Variants in PTPRN2 observed in about 807,000 individuals in gnomAD.
The protein encoded by PTPRN2 is receptor-type tyrosine-protein phosphatase N2.
In PTPRN2, 74 loss-of-function variants were observed where a neutral mutation model predicts 118.8. That is an observed-to-expected ratio of 0.62 (90% CI 0.52 to 0.76). The LOEUF (loss-of-function observed/expected upper bound fraction) is 0.76, where lower values mean the gene tolerates loss of function less well. PTPRN2 is among the 30% of genes least tolerant of loss of function. The pLI is 0.00. For missense variants in PTPRN2, 1,481 were observed against 1,394.4 expected (o/e 1.06, Z -0.99); for synonymous variants, 641 against 608.0 (o/e 1.05, Z -0.80).
intron 12 of PTPRN2, among the ~76,000 whole-genome samples, chr7:157,810,998 G>A (rs372971990): frequency 2.6e-5 from 4 of 152,038 alleles, no homozygotes; most frequent in African/African-American, 4.8e-5. Flanking sequence ...GGGGCGGGGC[G>A]CTGTGGCTCA....
At chr7:158,350,900 T>C (rs756780479) in intron 2 of PTPRN2, among the ~76,000 whole-genome samples, 1 of 152,192 alleles carries the variant, frequency 6.6e-6, no homozygotes, top group Non-Finnish European at 1.5e-5. Context: ...TACAAATCAA[T>C]TTGTCTGCTG....
At chr7:158,345,612 C>T (rs985319548) in intron 2 of PTPRN2, among the ~76,000 whole-genome samples, 1 of 152,192 alleles carries the variant, frequency 6.6e-6, no homozygotes, top group Non-Finnish European at 1.5e-5. Context: ...TTTCCAATGC[C>T]GTCCACTCAT....
rs182909024 is a variant in PTPRN2, at chr7:157,829,298, G to A, written c.1788+69375C>T. On this transcript the variant is annotated intron_variant, in intron 12 of 22. Transcript: ENST00000389418. Reference sequence around the variant, plus strand: ...GTTGGGGCAGGTGCTATCTGAACACGGTGGCGCAAAAGAGATGAGGCCTCG... The same window carrying A: ...GTTGGGGCAGGTGCTATCTGAACACAGTGGCGCAAAAGAGATGAGGCCTCG... Among the ~76,000 whole-genome samples, 473 of 152,284 alleles carry A rather than the reference G, an allele frequency of 3.1e-3. 10 individuals are homozygous for A. In the South Asian group the frequency reaches 0.066, roughly 21 times the overall value.
intron 3 of PTPRN2, among the ~76,000 whole-genome samples, chr7:158,216,837 T>C (rs1470938500): frequency 6.6e-6 from 1 of 152,176 alleles, no homozygotes; most frequent in African/African-American, 2.4e-5. Context: ...CAAACCATGA[T>C]AGACTTAATG....
chr7:158,210,699 G>A (rs549252791), intron 3 of PTPRN2, among the ~76,000 whole-genome samples: 1 of 152,228 alleles, frequency 6.6e-6, no homozygotes, highest in Admixed American at 6.5e-5. Flanking sequence ...CTACATGCCA[G>A]TAAATTAGAA....
At chr7:157,642,939 C>T (rs1029942222) in intron 14 of PTPRN2, among the ~76,000 whole-genome samples, 1 of 151,810 alleles carries the variant, frequency 6.6e-6, no homozygotes, top group Non-Finnish European at 1.5e-5. Context: ...AGCAGCTTAC[C>T]TCTTTCTCCC....
chr7:158,142,491 C>G (rs982227345), intron 6 of PTPRN2, among the ~76,000 whole-genome samples: 5 of 152,214 alleles, frequency 3.3e-5, no homozygotes, highest in Admixed American at 2.6e-4. Context: ...GGCTTGCCGT[C>G]CTAAATCATA....
Position 157,787,197 on chromosome 7 carries a change from C to T in PTPRN2, c.1789-104260G>A, listed in dbSNP as rs1804116109. 6.6e-6 allele frequency among the ~76,000 whole-genome samples: 1 copy of T among 150,892 alleles called. No homozygotes were observed. The highest frequency in any genetic ancestry group is 1.5e-5 in the Non-Finnish European group (1 of 67,440). On this transcript the variant is annotated intron_variant, in intron 12 of 22. Coordinates refer to ENST00000389418, the MANE Select transcript of PTPRN2 (RefSeq NM_002847.5). The surrounding 1 kb of genome is among the most constrained non-coding windows in gnomAD (Gnocchi z 5.3). ...CGCGGGGGTGGCTGCCCGGGACTGG[C>T]TCTTCTGGAAGCAATTCGTGGGAAA...
chr7:157,853,284 A>C (rs1809429532), intron 12 of PTPRN2, among the ~76,000 whole-genome samples: 1 of 152,124 alleles, frequency 6.6e-6, no homozygotes, highest in Admixed American at 6.5e-5. Flanking sequence ...CCGGGCCTGC[A>C]ACGGAAAGGC....
At chr7:158,341,948 G>T (rs1806921651) in intron 2 of PTPRN2, among the ~76,000 whole-genome samples, 1 of 144,416 alleles carries the variant, frequency 6.9e-6, no homozygotes, top group African/African-American at 2.6e-5. Flanking sequence ...CACCATAAGA[G>T]CTGTCGCCCG....
chr7:157,786,071 C>T (rs1804018807), intron 12 of PTPRN2, among the ~76,000 whole-genome samples: 2 of 152,144 alleles, frequency 1.3e-5, no homozygotes. Flanking sequence ...GAGCGTTAGC[C>T]GCACTCCGAG....
At chr7:158,168,578 A>G (rs1823244042) in intron 5 of PTPRN2, among the ~76,000 whole-genome samples, 1 of 152,184 alleles carries the variant, frequency 6.6e-6, no homozygotes, top group Admixed American at 6.5e-5. Flanking sequence ...CAACTTCTTT[A>G]CTGAAGACCT....
In PTPRN2 at chr7:158,316,833, T is replaced by C; in HGVS notation, c.263A>G (p.Lys88Arg). ...GCCCGCCCTACCTGTGCCGGAAAGC[T>C]TCTGCAACGCCACGCGCAGGCGCTG... ...ALQRLRVALQ[K>R]LSGTGFTWQD... The change falls in exon 3 of 23, where the codon AAG (lysine) becomes AGG (arginine). Residue 88 changes from lysine (K) to arginine (R), a missense_variant. Physicochemically the swap from Lys to Arg is conservative, Grantham distance 26 (BLOSUM62 2). This residue lies in a region of PTPRN2 where 1,115 missense variants were observed against 994.2 expected (regional missense o/e 1.12). Transcript: ENST00000389418. The C allele has an allele frequency of 6.2e-7, 1 of 1,604,710 alleles. No individual in the cohort carries two copies. Among genetic ancestry groups the C allele is most frequent in the Non-Finnish European group, 8.5e-7 (1 of 1,178,598 alleles).
intron 1 of PTPRN2, among the ~76,000 whole-genome samples, chr7:158,505,956 G>A (rs1040221205): frequency 3.3e-5 from 5 of 152,210 alleles, no homozygotes; most frequent in Admixed American, 6.5e-5. Flanking sequence ...ACGCTGCACC[G>A]GGTACAGCAG....
chr7:158,195,961 G>A lies in PTPRN2; in HGVS notation c.381-3466C>T, dbSNP rs79575378. ...TCCTTGGGACCAGTTCAACCCTCTCGGTTCTTACTTTTAAGTCTTGTTTGG... is the reference window on the plus strand; with the variant it reads ...TCCTTGGGACCAGTTCAACCCTCTCAGTTCTTACTTTTAAGTCTTGTTTGG... On this transcript the variant is annotated intron_variant, in intron 4 of 22. Coordinates refer to ENST00000389418, the MANE Select transcript of PTPRN2 (RefSeq NM_002847.5). Among the ~76,000 whole-genome samples, 1,370 of 152,128 alleles carry A rather than the reference G, an allele frequency of 9.0e-3. 24 individuals are homozygous for A. The highest frequency in any genetic ancestry group is 0.031 in the African/African-American group (1,279 of 41,486).
chr7:157,848,465 A>G (rs1040790970), intron 12 of PTPRN2, among the ~76,000 whole-genome samples: 2 of 152,052 alleles, frequency 1.3e-5, no homozygotes, highest in Non-Finnish European at 2.9e-5. Context: ...CTCTCACTGC[A>G]TCATGCGTGC....
At chr7:157,637,378 C>A (rs182472634) in intron 14 of PTPRN2, among the ~76,000 whole-genome samples, 4 of 152,278 alleles carry the variant, frequency 2.6e-5, no homozygotes, top group Admixed American at 6.5e-5. Flanking sequence ...GAACAGCAGC[C>A]CCTGTCATCC....
At chr7:158,583,014 G>A (rs2129452625) in intron 1 of PTPRN2, among the ~76,000 whole-genome samples, 1 of 152,042 alleles carries the variant, frequency 6.6e-6, no homozygotes, top group East Asian at 1.9e-4. Context: ...GCATTGAGTG[G>A]AACTTTCTTA....
intron 1 of PTPRN2, among the ~76,000 whole-genome samples, chr7:158,527,944 G>C (rs1824916036): frequency 6.6e-6 from 1 of 152,086 alleles, no homozygotes; most frequent in African/African-American, 2.4e-5. Flanking sequence ...TGTGTTGCTT[G>C]TGCTATGTCT....
Sources: gnomAD v4.1 joint callset for allele counts (sites outside exome capture counted in the v4.1 genomes callset) on GRCh38, gnomAD v4.1.1 for gene constraint, gnomAD v4.1.1 regional missense constraint, Gnocchi (gnomAD v3.1) non-coding constraint, MANE v1.5 for transcripts, NCBI Gene and HGNC (gene_info 2026-07-23, HGNC 2026-07-21) for gene names.